The following SLIT1 variants were observed in gnomAD, a reference collection of about 807,000 sequenced individuals.
SLIT1 encodes slit guidance ligand 1.
SLIT1 carries 66 observed loss-of-function variants against 186.1 expected under a neutral mutation model. The observed-to-expected ratio is 0.35, with a 90% confidence interval of 0.29 to 0.44. The LOEUF (loss-of-function observed/expected upper bound fraction) is 0.44, where lower values mean the gene tolerates loss of function less well. SLIT1 is among the 20% of genes least tolerant of loss of function. The pLI is 1.00. For synonymous variants in SLIT1, 761 were observed against 833.8 expected, an observed-to-expected ratio of 0.91 and a Z score of 1.50; for missense variants, 1,638 against 2,037.4, an observed-to-expected ratio of 0.80 and a Z score of 3.77.
At chr10:97,034,642 C>T in intron 22 of SLIT1, 100 bp from the exon 23 acceptor site, 3 of 1,106,926 alleles carry the variant, frequency 2.7e-6, no homozygotes, top group Non-Finnish European at 4.1e-6. Flanking sequence ...AGGGCCATTC[C>T]CCAGCCAGGT....
At chr10:97,099,330 A>AAGG (rs1849325792) in intron 4 of SLIT1, among the ~76,000 whole-genome samples, 2 of 152,190 alleles carry the variant, frequency 1.3e-5, no homozygotes, top group Non-Finnish European at 2.9e-5. Context: ...GCACCACCGC[A>AAGG]CCAGGCTGGC....
At chr10:97,075,006 C>T (rs1158789695) in intron 4 of SLIT1, among the ~76,000 whole-genome samples, 1 of 152,238 alleles carries the variant, frequency 6.6e-6, no homozygotes, top group African/African-American at 2.4e-5. Flanking sequence ...CTGCTGGGCA[C>T]CTGCCAAGGC....
chr10:97,092,858 C>T (rs917289080), intron 4 of SLIT1, among the ~76,000 whole-genome samples: 11 of 152,204 alleles, frequency 7.2e-5, no homozygotes, highest in South Asian at 2.1e-4. Flanking sequence ...TGCCAGGCTC[C>T]GTGCTAAGTG....
chr10:97,073,534 G>A (rs1849019956), intron 4 of SLIT1, among the ~76,000 whole-genome samples: 1 of 152,322 alleles, frequency 6.6e-6, no homozygotes, highest in East Asian at 1.9e-4. Flanking sequence ...ACAGTGACGA[G>A]GGCACCATGA....
Position 97,164,824 on chromosome 10 carries a change from C to G in SLIT1, c.264G>C (p.Arg88=). The change falls in exon 2 of 37, where the codon CGG becomes CGC. Residue 88 remains arginine, a synonymous_variant. Coordinates refer to ENST00000266058, the MANE Select transcript of SLIT1 (RefSeq NM_003061.3). The stretch of plus-strand genomic sequence containing the variant: ...AGGGAGCACCCCATACTCACAGCAC[C>G]CGCAGCTGCTTGAGCCCCGCAAAGT... ...KNDFAGLKQL[R]VLQLMENQIG... 1.9e-6 allele frequency: 3 copies of G among 1,612,846 alleles called. No individual in the cohort carries two copies. The highest frequency in any genetic ancestry group is 2.5e-6 in the Non-Finnish European group (3 of 1,178,956).
At chr10:97,110,172 A>C (rs1315868014) in intron 4 of SLIT1, among the ~76,000 whole-genome samples, 1 of 152,218 alleles carries the variant, frequency 6.6e-6, no homozygotes, top group Non-Finnish European at 1.5e-5. Context: ...CCACGGCTTG[A>C]AACCATATAG....
intron 3 of SLIT1, among the ~76,000 whole-genome samples, 173 bp downstream of exon 3, chr10:97,163,207 C>T (rs1850054741): frequency 1.3e-5 from 2 of 152,338 alleles, no homozygotes; most frequent in East Asian, 1.9e-4. Flanking sequence ...GTGACCATGC[C>T]TTGTGACCAC....
In SLIT1 at chr10:97,001,312, G is replaced by C. The variant is rs1438951234; in HGVS notation, c.4405C>G (p.Gln1469Glu). Residue 1469 changes from glutamine to glutamate, a missense_variant, in exon 37 of 37, where the codon CAG becomes GAG. Gln to Glu is a conservative substitution (Grantham distance 29, BLOSUM62 2). Around this residue, in one of 3 missense-constraint regions of SLIT1, gnomAD observed 220 missense variants for 211.3 expected, o/e 1.04. Coordinates refer to ENST00000266058, the MANE Select transcript of SLIT1 (RefSeq NM_003061.3). ...CAGATGGCATAGCCCCTCTGGACCT[G>C]GTGAAAGTCCCGGACAGGGTCCCCC... is the stretch of plus-strand genomic sequence containing the variant. ...CRGDPVRDFH[Q>E]VQRGYAICQT... is the part of the protein sequence containing the mutation. 1 of 1,613,178 alleles carries C rather than the reference G, an allele frequency of 6.2e-7. No individual in the cohort carries two copies. Among genetic ancestry groups the C allele is most frequent in the Admixed American group, 1.7e-5 (1 of 60,012 alleles).
rs376119972 is a variant in SLIT1 at position 97,064,314 on chromosome 10, G to A, written c.558-75C>T. 23 of 1,205,598 alleles carry A rather than the reference G, an allele frequency of 1.9e-5. No individual in the cohort carries two copies. The East Asian group carries it at 2.1e-4, about 11-fold the overall frequency. 74.7% of individuals were successfully genotyped at this position (1,205,598 alleles called of 1,614,324 possible). On this transcript the variant is annotated intron_variant, in intron 6 of 36. Coordinates refer to ENST00000266058, the MANE Select transcript of SLIT1 (RefSeq NM_003061.3). ...TGTGGGACAGGGCCGCCCTGCTAAC[G>A]AACAGGGAGGCTCTCGACCTTAAAG...
chr10:97,074,326 G>A (rs1849026593), intron 4 of SLIT1, among the ~76,000 whole-genome samples: 1 of 152,204 alleles, frequency 6.6e-6, no homozygotes, highest in Non-Finnish European at 1.5e-5. Flanking sequence ...AAAACAAGTA[G>A]TTAGGACTGG....
In SLIT1 at chr10:97,042,949, G is replaced by A. The variant is rs528921139; in HGVS notation, c.2116C>T (p.Gln706Ter). ...AAGGCCACGTCCTGCAGGGGAATCTGCCGCAAAAAGTCAGGGTTCTGGCAT... is the reference window on the plus strand; with the variant it reads ...AAGGCCACGTCCTGCAGGGGAATCTACCGCAAAAAGTCAGGGTTCTGGCAT... ...PRCQNPDFLR[Q>*]IPLQDVAFPD... The change falls in exon 20 of 37, where the codon CAG becomes TAG. Residue 706 changes from glutamine (Q) to a stop codon, truncating the protein, a stop_gained. Transcript: ENST00000266058. LOFTEE classifies it high-confidence loss of function. 6.2e-7 allele frequency: 1 copy of A among 1,614,106 alleles called. No individual in the cohort carries two copies. Among genetic ancestry groups the A allele is most frequent in the Non-Finnish European group, 8.5e-7 (1 of 1,180,052 alleles).
intron 4 of SLIT1, among the ~76,000 whole-genome samples, chr10:97,096,180 G>A (rs1482722975): frequency 6.6e-6 from 1 of 152,186 alleles, no homozygotes; most frequent in Non-Finnish European, 1.5e-5. Context: ...GCCAGCTGCG[G>A]CCCGAGCTTA....
intron 1 of SLIT1, among the ~76,000 whole-genome samples, chr10:97,182,958 C>T (rs537426765): frequency 1.3e-5 from 2 of 148,944 alleles, no homozygotes; most frequent in South Asian, 4.3e-4. Flanking sequence ...AGATCCTCAT[C>T]TCTACAAAAA....
intron 1 of SLIT1, among the ~76,000 whole-genome samples, chr10:97,170,692 T>C (rs1850176138): frequency 6.6e-6 from 1 of 152,236 alleles, no homozygotes; most frequent in Admixed American, 6.5e-5. Context: ...TCCATTCCTG[T>C]GTGGTCCTAG....
chr10:97,012,003 C>G (rs1326879982), intron 30 of SLIT1, among the ~76,000 whole-genome samples: 1 of 151,510 alleles, frequency 6.6e-6, no homozygotes, highest in Non-Finnish European at 1.5e-5. Flanking sequence ...CAGATGGGTG[C>G]TCTTGCCTGG....
chr10:97,017,247 G>C (rs922871633), intron 28 of SLIT1, among the ~76,000 whole-genome samples: 7 of 152,224 alleles, frequency 4.6e-5, no homozygotes, highest in Non-Finnish European at 1.0e-4. Flanking sequence ...TGGGTGCAGA[G>C]TGTAAGGACG....
At chr10:97,059,147 T>A (rs1475439644) in intron 11 of SLIT1, among the ~76,000 whole-genome samples, 1 of 152,204 alleles carries the variant, frequency 6.6e-6, no homozygotes, top group East Asian at 1.9e-4. Flanking sequence ...CCAAGATGGT[T>A]GTGCAAAGAA....
chr10:97,115,583 A>C (rs2134683070), intron 4 of SLIT1, among the ~76,000 whole-genome samples: 1 of 152,104 alleles, frequency 6.6e-6, no homozygotes, highest in African/African-American at 2.4e-5. Context: ...GATGGCTCTC[A>C]CTGACCAGGT....
chr10:97,110,224 G>C (rs1426211912), intron 4 of SLIT1, among the ~76,000 whole-genome samples: 1 of 152,120 alleles, frequency 6.6e-6, no homozygotes, highest in East Asian at 1.9e-4. Context: ...AAACAGTTCC[G>C]ATGACAGAGC....
Sources: allele counts gnomAD v4.1 joint callset (sites outside exome capture counted in the v4.1 genomes callset), GRCh38; gene constraint gnomAD v4.1.1; regional missense constraint gnomAD v4.1.1; transcripts MANE v1.5; gene names NCBI Gene and HGNC (gene_info 2026-07-23, HGNC 2026-07-21).